Variants in ATP2B4 observed in about 807,000 individuals in gnomAD.
ATP2B4 encodes the protein ATPase plasma membrane Ca2+ transporting 4.
ATP2B4 carries 39 observed loss-of-function variants against 110.3 expected under a neutral mutation model. That is an observed-to-expected ratio of 0.35 (90% CI 0.27 to 0.46). The LOEUF (loss-of-function observed/expected upper bound fraction) is 0.46, where lower values mean the gene tolerates loss of function less well. Ranked by LOEUF, ATP2B4 falls within the 20% of genes least tolerant of loss-of-function variation. ATP2B4 has a pLI of 1.00. For missense variants in ATP2B4, 1,135 were observed against 1,530.9 expected (o/e 0.74, Z 4.32); for synonymous variants, 538 against 571.7 (o/e 0.94, Z 0.84).
intron 20 of ATP2B4, among the ~76,000 whole-genome samples, chr1:203,728,822 A>G (rs757645806): frequency 2.8e-4 from 42 of 149,210 alleles, no homozygotes; most frequent in Non-Finnish European, 4.9e-4. Context: ...GCGCCATTGC[A>G]CTCCAGCCTG....
At chr1:203,674,012 C>T (rs1475862352) in intron 1 of ATP2B4, among the ~76,000 whole-genome samples, 3 of 152,198 alleles carry the variant, frequency 2.0e-5, no homozygotes, top group African/African-American at 7.2e-5. Flanking sequence ...TGGAAAGCCA[C>T]AGCAGCCCCA....
chr1:203,707,089 T>C lies in ATP2B4; in HGVS notation c.1180T>C (p.Trp394Arg). 6.2e-7 allele frequency: 1 copy of C among 1,614,186 alleles called. No individual in the cohort carries two copies. The highest frequency in any genetic ancestry group is 8.5e-7 in the Non-Finnish European group (1 of 1,180,022). The change falls in exon 9 of 21, where the codon TGG (tryptophan) becomes CGG (arginine). Residue 394 changes from tryptophan (W) to arginine (R), a missense_variant. By Grantham distance (101) the Trp-to-Arg change is moderately radical. This residue lies in a region of ATP2B4 where 162 missense variants were observed against 210.5 expected (regional missense o/e 0.77). Coordinates refer to ENST00000357681, the MANE Select transcript of ATP2B4 (RefSeq NM_001684.5). ...IDNFVINRRP[W>R]LPECTPIYIQ... Reference sequence around the variant, plus strand: ...CAACTTTGTGATAAATCGCAGACCATGGCTCCCTGAGTGTACTCCCATCTA... The same window carrying C: ...CAACTTTGTGATAAATCGCAGACCACGGCTCCCTGAGTGTACTCCCATCTA...
intron 1 of ATP2B4, among the ~76,000 whole-genome samples, chr1:203,628,695 G>T (rs1053205872): frequency 1.3e-5 from 2 of 152,064 alleles, no homozygotes; most frequent in African/African-American, 4.8e-5. Flanking sequence ...GCCCTACTAC[G>T]CCCCCTCCAC....
intron 2 of ATP2B4, among the ~76,000 whole-genome samples, chr1:203,688,906 T>C (rs961475817): frequency 1.3e-5 from 2 of 150,984 alleles, no homozygotes; most frequent in Non-Finnish European, 1.5e-5. Context: ...GGGGTGAGAC[T>C]GGAGCTCCTG....
rs1571735862 is a variant in ATP2B4 at position 203,698,793 on chromosome 1, C to T, written c.391+439C>T. 9.9e-5 allele frequency among the ~76,000 whole-genome samples: 15 copies of T among 151,910 alleles called. No homozygotes were observed. In the South Asian group the frequency reaches 2.7e-3, roughly 27 times the overall value. The stretch of plus-strand genomic sequence containing the variant: ...CTGGGATTACAGGCGTGTGCCATCA[C>T]GCCTGGCTAATTTTTGTATTTTTAG... On this transcript the variant is annotated intron_variant, in intron 3 of 20. Coordinates refer to ENST00000357681, the MANE Select transcript of ATP2B4 (RefSeq NM_001684.5).
chr1:203,656,443 G>A (rs1405636843), intron 1 of ATP2B4, among the ~76,000 whole-genome samples: 1 of 152,178 alleles, frequency 6.6e-6, no homozygotes, highest in African/African-American at 2.4e-5. Flanking sequence ...TTTAGAATGT[G>A]AATTCACTAG....
At chr1:203,703,531 G>A in intron 7 of ATP2B4, 121 bp from the exon 8 acceptor site, 1 of 1,163,068 alleles carries the variant, frequency 8.6e-7, no homozygotes, top group South Asian at 1.5e-5. Context: ...GGTCGGAACT[G>A]ATGTCAGGGT....
rs192373833 is a variant in ATP2B4, at chr1:203,725,165, C to T, written c.3132+1177C>T. ...TGCTGGGATTACAGGTGTGAGCCAC[C>T]GCACCTGGCCCAGCTCTTGTTGCCC... On this transcript the variant is annotated intron_variant, in intron 19 of 20. Transcript: ENST00000357681. Among the ~76,000 whole-genome samples the T allele has an allele frequency of 3.1e-4, 46 of 149,818 alleles. No homozygotes were observed. The East Asian group carries it at 5.1e-3, about 17-fold the overall frequency.
chr1:203,669,923 C>A (rs1664611292), intron 1 of ATP2B4, among the ~76,000 whole-genome samples: 1 of 152,212 alleles, frequency 6.6e-6, no homozygotes, highest in Admixed American at 6.5e-5. Flanking sequence ...TCTCCACTTT[C>A]TCTCCCCTGA....
At chr1:203,700,718 T>C in intron 5 of ATP2B4, 80 bp from the exon 6 acceptor site, 2 of 1,572,182 alleles carry the variant, frequency 1.3e-6, no homozygotes, top group Non-Finnish European at 1.7e-6. Flanking sequence ...GTATTTTTTC[T>C]TCTAAGTTTG....
intron 1 of ATP2B4, among the ~76,000 whole-genome samples, chr1:203,644,849 C>T (rs756640801): frequency 2.9e-4 from 44 of 152,162 alleles, no homozygotes; most frequent in Non-Finnish European, 5.9e-4. Flanking sequence ...CTTTCACTCT[C>T]CCTCTTCAAA....
chr1:203,723,449 TCTCTCTCTCTCCCTCTGC>T (rs1433369432), intron 18 of ATP2B4, among the ~76,000 whole-genome samples: 20 of 138,632 alleles, frequency 1.4e-4, no homozygotes, highest in African/African-American at 5.3e-4. Flanking sequence ...TCTCTCTCTC[TCTCTCTCTCTCCCTCTGC>T]CTCTCTCTCT....
At chr1:203,699,907 G>T (rs193079866) in intron 4 of ATP2B4, among the ~76,000 whole-genome samples, 190 bp downstream of exon 4, 1 of 152,156 alleles carries the variant, frequency 6.6e-6, no homozygotes, top group African/African-American at 2.4e-5. Context: ...AAACTCTGTC[G>T]CAAGATTGTC....
At chr1:203,659,248 A>T (rs1293645309) in intron 1 of ATP2B4, among the ~76,000 whole-genome samples, 1 of 152,228 alleles carries the variant, frequency 6.6e-6, no homozygotes, top group Admixed American at 6.5e-5. Context: ...TATGGTTGTG[A>T]TATCGAAGAA....
chr1:203,739,755 C>T lies in ATP2B4; in HGVS notation c.3519C>T (p.Val1173=), dbSNP rs760889265. The T allele has an allele frequency of 1.2e-6, 2 of 1,614,052 alleles. No homozygotes were observed. The highest frequency in any genetic ancestry group is 1.7e-6 in the Non-Finnish European group (2 of 1,180,032). ...GGGTGCTCCTGTTGGATGGTGAGGT[C>T]ACTCCATATGCCAATACAAACAACA... The part of the protein sequence containing the change: ...GTRVLLLDGE[V]TPYANTNNNA... The change falls in exon 21 of 21, where the codon GTC becomes GTT. Residue 1173 remains valine (V), a synonymous_variant. Coordinates refer to ENST00000357681, the MANE Select transcript of ATP2B4 (RefSeq NM_001684.5).
chr1:203,720,439 C>G (rs1030943334), intron 15 of ATP2B4, 110 bp from the exon 16 acceptor site: 1 of 1,039,374 alleles, frequency 9.6e-7, no homozygotes, highest in Non-Finnish European at 1.4e-6. Context: ...TTTTGTGTGA[C>G]TAGTGTGCCC....
At chr1:203,726,425 CTTT>C (rs71861339) in intron 19 of ATP2B4, among the ~76,000 whole-genome samples, 18 of 145,094 alleles carry the variant, frequency 1.2e-4, no homozygotes, top group Admixed American at 2.1e-4. Flanking sequence ...GTGAAGATTT[CTTT>C]TTTTTTTTTT....
At chr1:203,682,419 A>G (rs1235245838) in intron 1 of ATP2B4, among the ~76,000 whole-genome samples, 1 of 152,216 alleles carries the variant, frequency 6.6e-6, no homozygotes, top group East Asian at 1.9e-4. Context: ...CATTAGAGCC[A>G]TCAGAGGTCG....
chr1:203,680,595 T>C (rs1233093274), intron 1 of ATP2B4, among the ~76,000 whole-genome samples: 3 of 138,784 alleles, frequency 2.2e-5, no homozygotes, highest in Admixed American at 7.7e-5. Context: ...GGCGACAGAG[T>C]GAGACTCCGT....
Sources: allele counts gnomAD v4.1 joint callset (sites outside exome capture counted in the v4.1 genomes callset), GRCh38; gene constraint gnomAD v4.1.1; regional missense constraint gnomAD v4.1.1; transcripts MANE v1.5; gene names NCBI Gene and HGNC (gene_info 2026-07-23, HGNC 2026-07-21).